The following SV2C variants were observed in gnomAD, a reference collection of about 807,000 sequenced individuals.
SV2C encodes the protein synaptic vesicle glycoprotein 2C.
Under a neutral mutation model 79.7 loss-of-function variants are expected in SV2C, and 49 were observed. The ratio of observed to expected loss-of-function variants is 0.61; its 90% CI spans 0.49 to 0.78. The LOEUF (loss-of-function observed/expected upper bound fraction) is 0.78. Among genes scored for constraint, SV2C ranks in the 30% least tolerant of loss-of-function variants. The pLI, the probability that SV2C is intolerant of heterozygous loss-of-function variation, is 0.00. For missense variants in SV2C, 833 were observed against 912.9 expected (o/e 0.91, Z 1.13); for synonymous variants, 334 against 333.2 (o/e 1.00, Z -0.03).
chr5:76,153,016 C>T (rs975145879), intron 2 of SV2C, among the ~76,000 whole-genome samples: 2 of 152,150 alleles, frequency 1.3e-5, no homozygotes, highest in African/African-American at 4.8e-5. Flanking sequence ...GTGGCACACC[C>T]TGGATGGATC....
chr5:75,853,607 C>CA, the SV2C span, among the ~76,000 whole-genome samples: 12,106 of 28,592 alleles, frequency 0.42, 3,422 homozygotes, highest in Admixed American at 0.53. Context: ...GACTCCGTCT[C>CA]AAAAAAAAAA....
At chr5:76,135,431 G>A (rs1325427139) in intron 2 of SV2C, among the ~76,000 whole-genome samples, 4 of 152,150 alleles carry the variant, frequency 2.6e-5, no homozygotes, top group African/African-American at 7.2e-5. Context: ...GGGGCTGGTG[G>A]TGGAGGAGGA....
chr5:75,890,158 C>A, the SV2C span, among the ~76,000 whole-genome samples: 1 of 152,028 alleles, frequency 6.6e-6, no homozygotes, highest in Admixed American at 6.6e-5. Flanking sequence ...GCTAAAATTA[C>A]CCACAATGTA....
the SV2C span, among the ~76,000 whole-genome samples, chr5:75,899,707 C>G: frequency 3.9e-5 from 6 of 152,066 alleles, no homozygotes; most frequent in African/African-American, 9.7e-5. Flanking sequence ...GTCTAAGTCT[C>G]TTTGTAGGTC....
chr5:76,285,837 G>A lies in SV2C; in HGVS notation c.1104G>A (p.Met368Ile). 7.4e-6 allele frequency: 12 copies of A among 1,614,142 alleles called. No individual in the cohort carries two copies. Among genetic ancestry groups the A allele is most frequent in the African/African-American group, 2.7e-5 (2 of 75,064 alleles). ...MILKLIHDTN[M>I]RARGQPEKVF... The stretch of plus-strand genomic sequence containing the variant: ...TGAAGTTAATTCATGACACCAACAT[G>A]AGAGCCCGGGGTCAGCCTGAGAAGG... The change falls in exon 6 of 13, where the codon ATG becomes ATA. Residue 368 changes from methionine (M) to isoleucine (I), a missense_variant. Coordinates refer to ENST00000502798, the MANE Select transcript of SV2C (RefSeq NM_014979.4).
the SV2C span, among the ~76,000 whole-genome samples, chr5:75,931,292 A>G: frequency 6.6e-6 from 1 of 152,220 alleles, no homozygotes; most frequent in East Asian, 1.9e-4. Context: ...AATGCTCCGG[A>G]GAAGAAAGCT....
intron 8 of SV2C, among the ~76,000 whole-genome samples, chr5:76,292,816 G>A (rs527402486): frequency 6.6e-6 from 1 of 152,130 alleles, no homozygotes; most frequent in Admixed American, 6.5e-5. Context: ...TTTGTTAATC[G>A]CTGACATAGT....
intron 12 of SV2C, among the ~76,000 whole-genome samples, chr5:76,321,581 A>C (rs952045899): frequency 2.0e-5 from 3 of 152,034 alleles, no homozygotes; most frequent in Non-Finnish European, 4.4e-5. Flanking sequence ...CTCTACAAAA[A>C]AATACAATAA....
the SV2C span, among the ~76,000 whole-genome samples, chr5:76,058,485 A>G: frequency 7.2e-5 from 11 of 152,234 alleles, no homozygotes; most frequent in African/African-American, 2.2e-4. Flanking sequence ...TGCTCCAACT[A>G]TCACATCTGA....
the SV2C span, among the ~76,000 whole-genome samples, chr5:75,880,751 G>A: frequency 2.6e-5 from 4 of 152,146 alleles, no homozygotes; most frequent in Admixed American, 2.0e-4. Flanking sequence ...CTGTTATTCA[G>A]TTCAAAAGTT....
rs1580049888 is a variant in SV2C at position 76,301,470 on chromosome 5, T to C, written c.1925T>C (p.Leu642Pro). Reference protein sequence around the residue: ...SESMMIGMLCLYNGLTISAWN... With the variant: ...SESMMIGMLCPYNGLTISAWN... ...TCCATGATGATAGGCATGCTGTGTC[T>C]GTACAATGGATTGACCATCTCAGCC... Residue 642 changes from leucine to proline, a missense_variant, in exon 12 of 13, where the codon CTG (leucine) becomes CCG (proline). By Grantham distance (98) the Leu-to-Pro change is moderately conservative (BLOSUM62 -3). Transcript: ENST00000502798. 1 of 1,614,130 alleles carries C rather than the reference T, an allele frequency of 6.2e-7. No individual in the cohort carries two copies. Among genetic ancestry groups the C allele is most frequent in the East Asian group, 2.2e-5 (1 of 44,874 alleles).
chr5:76,290,428 A>G (rs535697544), intron 6 of SV2C, among the ~76,000 whole-genome samples: 2 of 152,352 alleles, frequency 1.3e-5, no homozygotes, highest in Admixed American at 6.5e-5. Context: ...TCTCAGATTT[A>G]TCAAAAACAG....
At chr5:76,048,967 G>GAAAGAAAGAAAGAAAGAAAGAAAT in the SV2C span, among the ~76,000 whole-genome samples, 1 of 54,310 alleles carries the variant, frequency 1.8e-5, no homozygotes, top group Non-Finnish European at 3.6e-5. Context: ...AAGAAAAAGA[G>GAAAGAAAGAAAGAAAGAAAGAAAT]AAAGAAAGAA....
chr5:76,219,303 C>T (rs73113801), intron 4 of SV2C, among the ~76,000 whole-genome samples: 7,023 of 152,222 alleles, frequency 0.046, 551 homozygotes, highest in African/African-American at 0.16. Context: ...GTTAATTTTA[C>T]GATCAATCTT....
chr5:76,161,969 CTGT>C (rs996293911), intron 2 of SV2C, among the ~76,000 whole-genome samples: 17 of 152,060 alleles, frequency 1.1e-4, no homozygotes, highest in Non-Finnish European at 1.9e-4. Flanking sequence ...GAAATTAAAC[CTGT>C]TCCTCAGTTC....
At chr5:75,975,481 C>T in the SV2C span, among the ~76,000 whole-genome samples, 1 of 152,120 alleles carries the variant, frequency 6.6e-6, no homozygotes, top group Non-Finnish European at 1.5e-5. Flanking sequence ...TAGAGGATGT[C>T]TAAGACCTAT....
At chr5:76,145,425 T>C (rs548066216) in intron 2 of SV2C, among the ~76,000 whole-genome samples, 34 of 152,298 alleles carry the variant, frequency 2.2e-4, no homozygotes, top group African/African-American at 8.2e-4. Flanking sequence ...ACAGTCCTGG[T>C]GGATTTTAAT....
the SV2C span, among the ~76,000 whole-genome samples, chr5:75,982,871 C>T: frequency 1.3e-5 from 2 of 152,216 alleles, no homozygotes; most frequent in Admixed American, 6.5e-5. Context: ...GAACAGAAAA[C>T]CAAACACCGC....
At chr5:75,925,382 C>T in the SV2C span, among the ~76,000 whole-genome samples, 27 of 152,186 alleles carry the variant, frequency 1.8e-4, no homozygotes, top group African/African-American at 6.3e-4. Flanking sequence ...ATTACTTTTA[C>T]GATATTTAAT....
Sources: gnomAD v4.1 joint callset for allele counts (sites outside exome capture counted in the v4.1 genomes callset) on GRCh38, gnomAD v4.1.1 for gene constraint, MANE v1.5 for transcripts, NCBI Gene and HGNC (gene_info 2026-07-23, HGNC 2026-07-21) for gene names.